Variants in ADGRB3 observed in about 807,000 individuals in gnomAD.
ADGRB3 encodes adhesion G protein-coupled receptor B3.
In ADGRB3, 37 loss-of-function variants were observed where a neutral mutation model predicts 193.4. The observed-to-expected ratio is 0.19, with a 90% CI of 0.15 to 0.25. The LOEUF (loss-of-function observed/expected upper bound fraction) is 0.25, where lower values mean the gene tolerates loss of function less well. Among genes scored for constraint, ADGRB3 ranks in the 10% least tolerant of loss-of-function variants. The probability of loss-of-function intolerance (pLI) is 1.00; values close to 1 mark genes in which losing one functional copy is unlikely to be tolerated. For synonymous variants in ADGRB3, 690 were observed against 644.2 expected (o/e 1.07, Z -1.08); for missense variants, 1,637 against 1,852.9 (o/e 0.88, Z 2.14).
intron 17 of ADGRB3, among the ~76,000 whole-genome samples, chr6:69,211,566 A>T (rs1472939736): frequency 6.6e-6 from 1 of 152,204 alleles, no homozygotes; most frequent in African/African-American, 2.4e-5. Flanking sequence ...AACTGAGCTT[A>T]AAGAGGCCAA....
chr6:69,125,784 C>CT (rs1385023311), intron 17 of ADGRB3, among the ~76,000 whole-genome samples: 3 of 152,234 alleles, frequency 2.0e-5, no homozygotes, highest in African/African-American at 7.2e-5. Flanking sequence ...TTCTGTAATG[C>CT]TTTTTTAAAA....
chr6:69,325,092 T>C, intron 21 of ADGRB3, 70 bp downstream of exon 21: 1 of 1,504,874 alleles, frequency 6.6e-7, no homozygotes, highest in Non-Finnish European at 9.0e-7. Context: ...AAAGCAGTCA[T>C]GAGTGATTAG....
chr6:69,359,218 A>AT (rs561160032), intron 28 of ADGRB3, among the ~76,000 whole-genome samples: 79 of 151,428 alleles, frequency 5.2e-4, no homozygotes, highest in Non-Finnish European at 8.3e-4. Flanking sequence ...GAATTTGGAG[A>AT]TTTTTTTTAA....
chr6:69,216,406 A>G (rs1765772990), intron 17 of ADGRB3, among the ~76,000 whole-genome samples: 2 of 152,192 alleles, frequency 1.3e-5, no homozygotes, highest in Admixed American at 1.3e-4. Flanking sequence ...TTGTTAAGGG[A>G]AAAGTTACCT....
intron 3 of ADGRB3, among the ~76,000 whole-genome samples, chr6:68,862,847 T>C (rs1220859887): frequency 6.6e-6 from 1 of 152,172 alleles, no homozygotes; most frequent in Non-Finnish European, 1.5e-5. Flanking sequence ...CCAGTTTTAA[T>C]AATGGTTTCT....
intron 17 of ADGRB3, among the ~76,000 whole-genome samples, chr6:69,093,782 G>C (rs1332192248): frequency 6.6e-6 from 1 of 152,078 alleles, no homozygotes; most frequent in African/African-American, 2.4e-5. Flanking sequence ...GGAGTGGGCA[G>C]CCCAAGTTCA....
At chr6:69,062,215 A>G (rs890654541) in intron 15 of ADGRB3, among the ~76,000 whole-genome samples, 2 of 151,926 alleles carry the variant, frequency 1.3e-5, no homozygotes, top group Non-Finnish European at 1.5e-5. Flanking sequence ...ACCTACATAT[A>G]CTAGAAAAAG....
At chr6:69,016,542 A>G (rs533112326) in intron 12 of ADGRB3, among the ~76,000 whole-genome samples, 19 of 152,018 alleles carry the variant, frequency 1.2e-4, no homozygotes, top group South Asian at 1.2e-3. Context: ...TTATTCAAAG[A>G]AAAAATAACC....
chr6:68,745,519 C>T (rs530540655), intron 3 of ADGRB3, among the ~76,000 whole-genome samples: 8 of 152,078 alleles, frequency 5.3e-5, no homozygotes, highest in Non-Finnish European at 2.9e-5. Flanking sequence ...TGTTTCCCAA[C>T]AATGTGAATG....
In ADGRB3 at chr6:68,997,599, G is replaced by A. The variant is rs983113041; in HGVS notation, c.1929+3637G>A. On this transcript the variant is annotated intron_variant, in intron 11 of 31. Transcript: ENST00000370598. ...ACCCGGGAATCGGAGGTCTCAGTGA[G>A]CTGAGATCACACCACTGCACTCCGG... 3.3e-5 allele frequency among the ~76,000 whole-genome samples: 5 copies of A among 151,556 alleles called. No individual in the cohort carries two copies. The East Asian group carries it at 9.7e-4, about 29-fold the overall frequency.
At chr6:68,768,697 T>C (rs1766559423) in intron 3 of ADGRB3, among the ~76,000 whole-genome samples, 1 of 152,152 alleles carries the variant, frequency 6.6e-6, no homozygotes, top group Admixed American at 6.5e-5. Context: ...AAATGGGATC[T>C]AATTAAACTA....
chr6:68,972,456 T>G (rs1768601656), intron 8 of ADGRB3, among the ~76,000 whole-genome samples: 1 of 152,032 alleles, frequency 6.6e-6, no homozygotes, highest in African/African-American at 2.4e-5. Flanking sequence ...AAATGACTCC[T>G]CCCCATCCAA....
At chr6:69,030,177 T>A (rs2150292509) in intron 13 of ADGRB3, among the ~76,000 whole-genome samples, 1 of 152,236 alleles carries the variant, frequency 6.6e-6, no homozygotes, top group Non-Finnish European at 1.5e-5. Flanking sequence ...GAGTGTAAAT[T>A]AGTTCAACCA....
rs890868417 is a variant in ADGRB3, at chr6:69,388,882, A to G, written c.4560A>G (p.Thr1520=). 6.2e-7 allele frequency: 1 copy of G among 1,610,618 alleles called. No individual in the cohort carries two copies. The highest frequency in any genetic ancestry group is 1.3e-5 in the African/African-American group (1 of 74,684). The change falls in exon 32 of 32, where the codon ACA becomes ACG. Residue 1520 remains threonine, a synonymous_variant. Coordinates refer to ENST00000370598, the MANE Select transcript of ADGRB3 (RefSeq NM_001704.3). The stretch of plus-strand genomic sequence containing the variant: ...ATGTGCAAGAGGGTGACTTTCAAAC[A>G]GAAGTTTAAAAAAATCAAAATGGAC... ...PLDVQEGDFQ[T]EV
intron 3 of ADGRB3, among the ~76,000 whole-genome samples, chr6:68,645,035 G>A (rs1269004943): frequency 6.6e-6 from 1 of 152,076 alleles, no homozygotes; most frequent in Non-Finnish European, 1.5e-5. Context: ...TTATTGTTAA[G>A]CTGATTTTTT....
rs887089321 is a variant in ADGRB3 at position 68,714,068 on chromosome 6, G to A, written c.757+74636G>A. On this transcript the variant is annotated intron_variant, in intron 3 of 31. Coordinates refer to ENST00000370598, the MANE Select transcript of ADGRB3 (RefSeq NM_001704.3). ...TGATGTTCTAAAAGAGTATTTTTTG[G>A]CAACATACAATCCAAGCACTTTGTA... 9.9e-5 allele frequency among the ~76,000 whole-genome samples: 15 copies of A among 151,580 alleles called. No individual in the cohort carries two copies. The South Asian group carries it at 3.1e-3, about 32-fold the overall frequency.
At chr6:69,056,200 A>G (rs558474248) in intron 15 of ADGRB3, among the ~76,000 whole-genome samples, 15 of 151,896 alleles carry the variant, frequency 9.9e-5, no homozygotes, top group Non-Finnish European at 1.8e-4. Flanking sequence ...TTTGATTTGC[A>G]TTTCTCTTAT....
intron 3 of ADGRB3, among the ~76,000 whole-genome samples, chr6:68,849,738 A>G (rs1582252829): frequency 6.6e-6 from 1 of 151,956 alleles, no homozygotes; most frequent in Non-Finnish European, 1.5e-5. Flanking sequence ...TTCCATCTGT[A>G]TCTTCTAACT....
At chr6:69,212,401 G>T (rs908325808) in intron 17 of ADGRB3, among the ~76,000 whole-genome samples, 1 of 152,116 alleles carries the variant, frequency 6.6e-6, no homozygotes, top group African/African-American at 2.4e-5. Flanking sequence ...CCCATTTTAT[G>T]TGGAGCACTG....
Sources: gnomAD v4.1 joint callset for allele counts (sites outside exome capture counted in the v4.1 genomes callset) on GRCh38, gnomAD v4.1.1 for gene constraint, MANE v1.5 for transcripts, NCBI Gene and HGNC (gene_info 2026-07-23, HGNC 2026-07-21) for gene names.